The following TPT1 variants were observed in gnomAD, a reference collection of about 807,000 sequenced individuals.
TPT1 encodes the protein translationally-controlled tumor protein.
TPT1 carries 5 observed loss-of-function variants against 22.8 expected under a neutral mutation model. The observed-to-expected ratio is 0.22, with a 90% CI of 0.11 to 0.46. The LOEUF is 0.46. TPT1 is among the 20% of genes least tolerant of loss of function. TPT1 has a pLI of 0.99. For synonymous variants in TPT1, 89 were observed against 73.6 expected, an observed-to-expected ratio of 1.21 and a Z score of -1.07; for missense variants, 130 against 218.7, an observed-to-expected ratio of 0.59 and a Z score of 2.56.
At chr13:45,340,567 GT>G in intron 2 of TPT1, 144 bp downstream of exon 2, 1 of 1,048,804 alleles carries the variant, frequency 9.5e-7, no homozygotes, top group South Asian at 1.4e-5. Flanking sequence ...TCCGCCTCCA[GT>G]TTTCTAGAAA....
chr13:45,339,156 A>AAT (rs906879352), intron 4 of TPT1: 1 of 301,400 alleles, frequency 3.3e-6, no homozygotes, highest in Non-Finnish European at 6.1e-6. Context: ...GAAGCTGGAA[A>AAT]ATTAGAGGAA....
At chr13:45,339,835 A>G (rs879852343) in intron 3 of TPT1, 159 bp downstream of exon 3, 20 of 837,460 alleles carry the variant, frequency 2.4e-5, no homozygotes, top group East Asian at 8.0e-5. Flanking sequence ...CAGTATGCTC[A>G]TATTATAGAA....
In TPT1 at chr13:45,337,145, A is replaced by T; in HGVS notation, c.*241T>A. On this transcript the variant is annotated 3_prime_UTR_variant, in exon 6 of 6. Transcript: ENST00000530705. ...ACACTACAGGATCAATTTAGTTTAA[A>T]TATGCATTAAACTAAAAGGCATTCT... is the stretch of plus-strand genomic sequence containing the variant. 1 of 574,400 alleles carries T rather than the reference A, an allele frequency of 1.7e-6. No homozygotes were observed. Among genetic ancestry groups the T allele is most frequent in the Non-Finnish European group, 3.1e-6 (1 of 323,390 alleles). The allele number at this position is 574,400 out of a possible 1,614,324, so 35.6% of individuals were successfully genotyped here. A position where few individuals can be genotyped will look rare whatever the true frequency, so the allele number is the denominator to read the frequency against.
In TPT1 at chr13:45,336,439, T is replaced by C. The variant is rs1456617086; in HGVS notation, c.*947A>G. ...TAGCAACTGCTCCAGGTCTGTCAAA[T>C]AGATGCATTTTCTTATTCAGACACC... On this transcript the variant is annotated 3_prime_UTR_variant, in exon 6 of 6. Coordinates refer to ENST00000530705, the MANE Select transcript of TPT1 (RefSeq NM_003295.4). 6.6e-6 allele frequency: 1 copy of C among 152,212 alleles called. No individual in the cohort carries two copies. The highest frequency in any genetic ancestry group is 1.9e-4 in the East Asian group (1 of 5,202). The allele number at this position is 152,212 out of a possible 1,614,324, so 9.4% of individuals were successfully genotyped here.
Position 45,339,895 on chromosome 13 carries a change from C to T in TPT1, c.293+99G>A, listed in dbSNP as rs564756881. 1.3e-4 allele frequency: 174 copies of T among 1,364,218 alleles called. 2 individuals are homozygous for T. The South Asian group carries it at 2.2e-3, about 17-fold the overall frequency. The allele number at this position is 1,364,218 out of a possible 1,614,324, so 84.5% of individuals were successfully genotyped here. ...TCATTAATAAAAAAGCAAGGACTTT[C>T]ACAAAAGTATACCCACTGCGAAAGA... On this transcript the variant is annotated intron_variant, in intron 3 of 5. Coordinates refer to ENST00000530705, the MANE Select transcript of TPT1 (RefSeq NM_003295.4).
chr13:45,339,951 G>A (rs1308864759), intron 3 of TPT1, 43 bp downstream of exon 3: 1 of 1,598,208 alleles, frequency 6.3e-7, no homozygotes, highest in African/African-American at 1.3e-5. Flanking sequence ...TTTAAATCCT[G>A]TAAGATTCTA....
rs1878937580 is a variant in TPT1, at chr13:45,339,512, A to G, written c.384T>C (p.Asn128=). 1 of 1,613,198 alleles carries G rather than the reference A, an allele frequency of 6.2e-7. No homozygotes were observed. Among genetic ancestry groups the G allele is most frequent in the South Asian group, 1.1e-5 (1 of 90,754 alleles). ...AAEQIKHILA[N]FKNYQFFIGE... Reference sequence around the variant, plus strand: ...AGGTATTTACCTGGTAGTTTTTGAAATTAGCAAGGATGTGCTTGATTTGTT... The same window carrying G: ...AGGTATTTACCTGGTAGTTTTTGAAGTTAGCAAGGATGTGCTTGATTTGTT... Residue 128 remains asparagine, a synonymous_variant, in exon 4 of 6, where the codon AAT becomes AAC. Transcript: ENST00000530705.
chr13:45,337,674 C>A, intron 5 of TPT1: 1 of 986,438 alleles, frequency 1.0e-6, no homozygotes, highest in Admixed American at 1.8e-5. Flanking sequence ...CACCCACACC[C>A]TGCTCTACCA....
At chr13:45,338,808 A>T in intron 4 of TPT1, 32 bp from the exon 5 acceptor site, 1 of 1,520,640 alleles carries the variant, frequency 6.6e-7, no homozygotes, top group Non-Finnish European at 8.9e-7. Context: ...CTAGAATTAG[A>T]CTATTACATA....
chr13:45,340,579 A>T (rs1017437064), intron 2 of TPT1, 133 bp downstream of exon 2: 7 of 1,138,164 alleles, frequency 6.2e-6, no homozygotes, highest in Middle Eastern at 1.9e-4. Flanking sequence ...TTTCTAGAAA[A>T]ACCCAAGCCC....
rs17066611 is a variant in TPT1, at chr13:45,335,512, T to C, written c.*1874A>G. Reference sequence around the variant, plus strand: ...TCTCTCACCTCAAGGCCTTCTTCACTATCCTGGTTTCCCCAGCTTTGACCA... The same window carrying C: ...TCTCTCACCTCAAGGCCTTCTTCACCATCCTGGTTTCCCCAGCTTTGACCA... On this transcript the variant is annotated 3_prime_UTR_variant, in exon 6 of 6. Coordinates refer to ENST00000530705, the MANE Select transcript of TPT1 (RefSeq NM_003295.4). 0.054 allele frequency: 8,231 copies of C among 152,290 alleles called. 504 individuals are homozygous for C. Among genetic ancestry groups the C allele is most frequent in the African/African-American group, 0.15 (6,102 of 41,528 alleles). 9.4% of individuals were successfully genotyped at this position (152,290 alleles called of 1,614,324 possible). A position where few individuals can be genotyped will look rare whatever the true frequency, so the allele number is the denominator to read the frequency against.
chr13:45,339,349 GAAGAC>G (rs2137550499), intron 4 of TPT1, 143 bp downstream of exon 4: 1 of 575,576 alleles, frequency 1.7e-6, no homozygotes, highest in East Asian at 3.1e-5. Context: ...TTTTCAATCA[GAAGAC>G]AAGATTTGGA....
rs769684153 is a variant in TPT1, at chr13:45,340,703, C to A, written c.102+9G>T. On this transcript the variant is annotated intron_variant, in intron 2 of 5. Transcript: ENST00000530705. ...CGGACTCCCCCACGCGCAGGCCCGACCGACTCACCTTCCCCTCCACCTCCA... is the reference window on the plus strand; with the variant it reads ...CGGACTCCCCCACGCGCAGGCCCGAACGACTCACCTTCCCCTCCACCTCCA... The A allele has an allele frequency of 2.6e-6, 4 of 1,544,332 alleles. No individual in the cohort carries two copies. Among genetic ancestry groups the A allele is most frequent in the Admixed American group, 4.1e-5 (2 of 49,046 alleles).
intron 4 of TPT1, 54 bp from the exon 5 acceptor site, chr13:45,338,830 C>A: frequency 2.1e-6 from 3 of 1,420,788 alleles, no homozygotes; most frequent in South Asian, 2.7e-5. Context: ...AAATACATGC[C>A]ATTCAAAACA....
intron 4 of TPT1, chr13:45,339,239 A>T (rs1427082645): frequency 4.8e-6 from 2 of 413,752 alleles, no homozygotes; most frequent in Non-Finnish European, 8.6e-6. Context: ...ACCAGTAGCA[A>T]TGAGACACAT....
rs201796741 is a variant in TPT1, at chr13:45,337,374, T to A, written c.*12A>T. ...ATGACAGGTGATAGATCCAAAATAATTGCCACATTTGTTACTGTAAAAGCA... is the reference window on the plus strand; with the variant it reads ...ATGACAGGTGATAGATCCAAAATAAATGCCACATTTGTTACTGTAAAAGCA... On this transcript the variant is annotated 3_prime_UTR_variant, in exon 6 of 6. Transcript: ENST00000530705. 1.2e-6 allele frequency: 2 copies of A among 1,613,836 alleles called. No homozygotes were observed. The highest frequency in any genetic ancestry group is 2.2e-5 in the South Asian group (2 of 91,066).
intron 2 of TPT1, 105 bp downstream of exon 2, chr13:45,340,607 C>T (rs749706112): frequency 1.5e-6 from 2 of 1,327,226 alleles, no homozygotes; most frequent in South Asian, 2.5e-5. Context: ...GCGTCTCCTC[C>T]GCCAGGAGGC....
intron 5 of TPT1, 178 bp from the exon 6 acceptor site, chr13:45,337,566 A>G (rs1878787321): frequency 6.2e-7 from 1 of 1,609,600 alleles, no homozygotes; most frequent in Non-Finnish European, 8.5e-7. Context: ...AGTGCAAACC[A>G]AAAGAACAAC....
chr13:45,339,354 C>T, intron 4 of TPT1, 143 bp downstream of exon 4: 2 of 594,184 alleles, frequency 3.4e-6, no homozygotes, highest in Non-Finnish European at 5.4e-6. Context: ...AATCAGAAGA[C>T]AAGATTTGGA....
Sources: allele counts gnomAD v4.1 joint callset, GRCh38; gene constraint gnomAD v4.1.1; transcripts MANE v1.5; gene names NCBI Gene and HGNC (gene_info 2026-07-23, HGNC 2026-07-21).